The following OR6J1 variants were observed in gnomAD, a reference collection of about 807,000 sequenced individuals.
OR6J1 encodes olfactory receptor 6J1.
For synonymous variants in OR6J1, 109 were observed against 70.0 expected, an observed-to-expected ratio of 1.56 and a Z score of -2.78; for missense variants, 304 against 166.8, an observed-to-expected ratio of 1.82 and a Z score of -4.53.
intron 1 of OR6J1, among the ~76,000 whole-genome samples, chr14:22,636,559 C>T (rs1170202183): frequency 8.6e-6 from 1 of 116,456 alleles, no homozygotes; most frequent in Non-Finnish European, 1.7e-5. Flanking sequence ...TGCAGGCGCA[C>T]GCCGCCACGC....
chr14:22,643,762 CACAG>C (rs368426017), intron 1 of OR6J1, among the ~76,000 whole-genome samples: 1,345 of 53,038 alleles, frequency 0.025, 9 homozygotes, highest in Non-Finnish European at 0.035. Context: ...CACACACACA[CACAG>C]AGAGAGAGAG....
chr14:22,642,912 C>T (rs1270876926), intron 1 of OR6J1, among the ~76,000 whole-genome samples: 4 of 152,072 alleles, frequency 2.6e-5, no homozygotes, highest in South Asian at 2.1e-4. Context: ...AAGTGATCCT[C>T]CTGCCTCAGC....
Position 22,633,561 on chromosome 14 carries a change from G to A in OR6J1, c.*207C>T. On this transcript the variant is annotated 3_prime_UTR_variant, in exon 2 of 2. Transcript: ENST00000540461. ...TTCTTACAATATTCAGTGTGGATGGGGCTTAGAGATCATCAAGTCCAGCCC... is the reference window on the plus strand; with the variant it reads ...TTCTTACAATATTCAGTGTGGATGGAGCTTAGAGATCATCAAGTCCAGCCC... The A allele has an allele frequency of 1.8e-6, 1 of 554,978 alleles. No individual in the cohort carries two copies. The highest frequency in any genetic ancestry group is 3.2e-6 in the Non-Finnish European group (1 of 315,196). 34.4% of individuals were successfully genotyped at this position (554,978 alleles called of 1,614,324 possible). A position where few individuals can be genotyped will look rare whatever the true frequency, so the allele number is the denominator to read the frequency against.
In OR6J1 at chr14:22,633,229, G is replaced by A. The variant is rs1016442983; in HGVS notation, c.*539C>T. 6.4e-6 allele frequency: 1 copy of A among 155,066 alleles called. No homozygotes were observed. The highest frequency in any genetic ancestry group is 2.4e-5 in the African/African-American group (1 of 41,384). 9.6% of individuals were successfully genotyped at this position (155,066 alleles called of 1,614,324 possible). A position where few individuals can be genotyped will look rare whatever the true frequency, so the allele number is the denominator to read the frequency against. The stretch of plus-strand genomic sequence containing the variant: ...AGGGCCATGTCTTACATAACGACAT[G>A]AGCATATTGGATATTATGAACATGT... On this transcript the variant is annotated 3_prime_UTR_variant, in exon 2 of 2. Coordinates refer to ENST00000540461, the MANE Select transcript of OR6J1 (RefSeq NM_001348233.2).
In OR6J1 at chr14:22,633,847, C is replaced by T. The variant is rs551054167; in HGVS notation, c.965G>A (p.Arg322Lys). 379 of 702,684 alleles carry T rather than the reference C, an allele frequency of 5.4e-4. 4 individuals carry two copies. The highest frequency in any genetic ancestry group is 5.0e-3 in the South Asian group (335 of 67,562). The allele number at this position is 702,684 out of a possible 1,614,324, so 43.5% of individuals were successfully genotyped here. ...TTGGTGGTCTTTGTTGGAGGATAAT[C>T]TGCTTCTCAGCACTGCCCTCATCCT... ...EKRMRAVLRS[R>K]LSSNKDHQGR... Residue 322 changes from arginine to lysine, a missense_variant, in exon 2 of 2, where the codon AGA (arginine) becomes AAA (lysine). By Grantham distance (26) the Arg-to-Lys change is conservative. Transcript: ENST00000540461.
In OR6J1 at chr14:22,639,699, T is replaced by C. The variant is rs1284405564; in HGVS notation, c.-28+4399A>G. Reference sequence around the variant, plus strand: ...TGTGACCTTACCCCCAACCCGGTGCTCTCTGAAACATGTGCTGTGTCCACT... The same window carrying C: ...TGTGACCTTACCCCCAACCCGGTGCCCTCTGAAACATGTGCTGTGTCCACT... On this transcript the variant is annotated intron_variant, in intron 1 of 1. Transcript: ENST00000540461. Among the ~76,000 whole-genome samples the C allele has an allele frequency of 3.2e-5, 4 of 125,114 alleles. 1 individual carries two copies. Among genetic ancestry groups the C allele is most frequent in the Non-Finnish European group, 3.2e-5 (2 of 62,134 alleles). The allele number at this position is 125,114 out of a possible 152,430, so 82.1% of individuals were successfully genotyped here. A position where few individuals can be genotyped will look rare whatever the true frequency, so the allele number is the denominator to read the frequency against.
At chr14:22,634,986 A>G in intron 1 of OR6J1, 148 bp from the exon 2 acceptor site, 1 of 565,840 alleles carries the variant, frequency 1.8e-6, no homozygotes, top group East Asian at 2.8e-5. Flanking sequence ...TTATTTGCCT[A>G]TCAAAATGGA....
intron 1 of OR6J1, among the ~76,000 whole-genome samples, chr14:22,638,667 AAAAAAAAT>A (rs1386412099): frequency 1.8e-4 from 21 of 114,516 alleles, no homozygotes; most frequent in Admixed American, 3.3e-4. Flanking sequence ...ATAAAAATAA[AAAAAAAAT>A]AAAAAAAATT....
At chr14:22,637,311 G>T (rs1368954720) in intron 1 of OR6J1, among the ~76,000 whole-genome samples, 1 of 54,312 alleles carries the variant, frequency 1.8e-5, no homozygotes, top group Non-Finnish European at 3.4e-5. Flanking sequence ...CCGGCCAGCT[G>T]CCCCATCCGG....
chr14:22,643,752 CACACACACACACAGAG>C (rs1306189633), intron 1 of OR6J1, among the ~76,000 whole-genome samples: 10 of 107,284 alleles, frequency 9.3e-5, no homozygotes, highest in African/African-American at 3.7e-4. Context: ...CACACACACA[CACACACACACACAGAG>C]AGAGAGAGAG....
chr14:22,644,035 A>T (rs1352282745), intron 1 of OR6J1, 63 bp downstream of exon 1: 1 of 152,326 alleles, frequency 6.6e-6, no homozygotes, highest in Non-Finnish European at 1.5e-5. Context: ...CACACCTGAG[A>T]TTATAACAGG....
At position 22,642,312 on chromosome 14, in the gene OR6J1, AATATATATATATATATATATATATATAT is replaced by A. The variant is rs71421135; in HGVS notation, c.-28+1758_-28+1785del. On this transcript the variant is annotated intron_variant, in intron 1 of 1. Coordinates refer to ENST00000540461, the MANE Select transcript of OR6J1 (RefSeq NM_001348233.2). ...TGTCCATCACCACAATCAACTTAAG[AATATATATATATATATATATATATATAT>A]ATATATATATATATTTGAGATGGAG... Among the ~76,000 whole-genome samples the A allele has an allele frequency of 4.0e-4, 44 of 109,236 alleles. 2 individuals are homozygous for A. Among genetic ancestry groups the A allele is most frequent in the Admixed American group, 6.1e-4 (7 of 11,392 alleles). The allele number at this position is 109,236 out of a possible 152,430, so 71.7% of individuals were successfully genotyped here. A position where few individuals can be genotyped will look rare whatever the true frequency, so the allele number is the denominator to read the frequency against.
chr14:22,636,190 T>C (rs1359210007), intron 1 of OR6J1, among the ~76,000 whole-genome samples: 1 of 149,918 alleles, frequency 6.7e-6, no homozygotes. Flanking sequence ...CTTGATCTCA[T>C]TAGTAATTAA....
At chr14:22,639,636 A>G (rs2037627349) in intron 1 of OR6J1, among the ~76,000 whole-genome samples, 1 of 126,734 alleles carries the variant, frequency 7.9e-6, no homozygotes, top group Non-Finnish European at 1.6e-5. Context: ...TTTGTTCTGT[A>G]CTAAGAAAAA....
intron 1 of OR6J1, among the ~76,000 whole-genome samples, chr14:22,637,728 G>A (rs1458804967): frequency 5.1e-5 from 4 of 78,726 alleles, no homozygotes; most frequent in South Asian, 3.9e-4. Flanking sequence ...GTCCGGGAGG[G>A]AGGTGGGGGG....
chr14:22,639,165 G>A (rs1395272354), intron 1 of OR6J1, among the ~76,000 whole-genome samples: 1 of 88,858 alleles, frequency 1.1e-5, no homozygotes, highest in Admixed American at 9.4e-5. Context: ...CTCTCCGCCC[G>A]GCAGCCACCC....
chr14:22,642,312 A>AATAT (rs71421135), intron 1 of OR6J1, among the ~76,000 whole-genome samples: 1,625 of 108,662 alleles, frequency 0.015, 21 homozygotes, highest in Non-Finnish European at 0.021. Context: ...TCAACTTAAG[A>AATAT]ATATATATAT....
Position 22,641,259 on chromosome 14 carries a change from A to AAG in OR6J1, c.-28+2837_-28+2838dup, listed in dbSNP as rs1386295777. ...AAAGAAAGAAAGAAAGAAAGAAAGA[A>AAG]AGAAAGAAAGGAAGGAAGGAAGAAA... is the stretch of plus-strand genomic sequence containing the variant. On this transcript the variant is annotated intron_variant, in intron 1 of 1. Transcript: ENST00000540461. Among the ~76,000 whole-genome samples the AAG allele has an allele frequency of 1.6e-4, 8 of 48,568 alleles. 3 individuals are homozygous for AAG. The South Asian group carries it at 4.7e-3, about 29-fold the overall frequency. 31.9% of individuals were successfully genotyped at this position (48,568 alleles called of 152,430 possible).
At chr14:22,639,243 A>AG (rs2037623024) in intron 1 of OR6J1, among the ~76,000 whole-genome samples, 1 of 124,126 alleles carries the variant, frequency 8.1e-6, no homozygotes, top group Non-Finnish European at 1.6e-5. Flanking sequence ...GTGGGGGGTC[A>AG]GCCCCCCGCC....
Sources: allele counts gnomAD v4.1 joint callset (sites outside exome capture counted in the v4.1 genomes callset), GRCh38; gene constraint gnomAD v4.1.1; transcripts MANE v1.5; gene names NCBI Gene and HGNC (gene_info 2026-07-23, HGNC 2026-07-21).